Variants in ST3GAL3 observed in about 807,000 individuals in gnomAD.
ST3GAL3 encodes the protein ST3 beta-galactoside alpha-2,3-sialyltransferase 3.
ST3GAL3 carries 21 observed loss-of-function variants against 50.1 expected under a neutral mutation model. The ratio of observed to expected loss-of-function variants is 0.42; its 90% CI spans 0.30 to 0.60. ST3GAL3 has a LOEUF of 0.60. ST3GAL3 is among the 20% of genes least tolerant of loss of function. The probability of loss-of-function intolerance (pLI) is 0.19; values close to 1 mark genes in which losing one functional copy is unlikely to be tolerated. For synonymous variants in ST3GAL3, 183 were observed against 190.0 expected, an observed-to-expected ratio of 0.96 and a Z score of 0.30; for missense variants, 353 against 489.4, an observed-to-expected ratio of 0.72 and a Z score of 2.63.
At chr1:43,888,338 AAAC>A (rs111775183) in intron 5 of ST3GAL3, among the ~76,000 whole-genome samples, 7 of 152,128 alleles carry the variant, frequency 4.6e-5, no homozygotes, top group Admixed American at 4.6e-4. Context: ...ATTTGACTTA[AAAC>A]AACAACAACA....
chr1:43,761,740 G>T (rs1490604713), intron 2 of ST3GAL3, among the ~76,000 whole-genome samples: 1 of 149,464 alleles, frequency 6.7e-6, no homozygotes, highest in East Asian at 2.0e-4. Flanking sequence ...CACGAGGTCA[G>T]GAGATCGAGA....
At chr1:43,811,766 C>T (rs536667053) in intron 3 of ST3GAL3, among the ~76,000 whole-genome samples, 10 of 152,264 alleles carry the variant, frequency 6.6e-5, no homozygotes, top group East Asian at 1.9e-4. Context: ...ACCTTAAGGA[C>T]GTGTTAGGCA....
intron 5 of ST3GAL3, among the ~76,000 whole-genome samples, chr1:43,884,495 G>T (rs1334160719): frequency 3.3e-5 from 5 of 152,134 alleles, no homozygotes; most frequent in South Asian, 2.1e-4. Context: ...TTATGGTGGG[G>T]CTGCAGCAGC....
chr1:43,767,949 A>T (rs1693722980), intron 2 of ST3GAL3, among the ~76,000 whole-genome samples: 1 of 152,202 alleles, frequency 6.6e-6, no homozygotes, highest in Non-Finnish European at 1.5e-5. Flanking sequence ...GTTGAAAAAA[A>T]TTAGTAATCT....
intron 2 of ST3GAL3, chr1:43,739,206 G>A (rs1558082659): frequency 6.6e-6 from 1 of 152,136 alleles, no homozygotes; most frequent in Admixed American, 6.6e-5. Context: ...ATGGCAGGGG[G>A]AAGAGGCTAG....
At chr1:43,758,172 C>G (rs1054686741) in intron 2 of ST3GAL3, among the ~76,000 whole-genome samples, 3 of 136,670 alleles carry the variant, frequency 2.2e-5, no homozygotes, top group Non-Finnish European at 5.0e-5. Context: ...ACCCCCCCCC[C>G]CAAAAAAAAG....
At chr1:43,827,706 T>TC (rs971452499) in intron 4 of ST3GAL3, among the ~76,000 whole-genome samples, 1 of 151,960 alleles carries the variant, frequency 6.6e-6, no homozygotes, top group African/African-American at 2.4e-5. Context: ...AGAGTCAGGG[T>TC]CCGCTATGTT....
In ST3GAL3 at chr1:43,843,486, A is replaced by G. The variant is rs571711003; in HGVS notation, c.302+5175A>G. Among the ~76,000 whole-genome samples the G allele has an allele frequency of 1.8e-4, 27 of 152,246 alleles. No homozygotes were observed. The South Asian group carries it at 5.4e-3, about 30-fold the overall frequency. On this transcript the variant is annotated intron_variant, in intron 5 of 11. Coordinates refer to ENST00000347631, the MANE Select transcript of ST3GAL3 (RefSeq NM_006279.5). ...TATTGTTCTTTTTACACATTGCTCTATTCAATTGGCTAAAATTTTTCAAGG... is the reference window on the plus strand; with the variant it reads ...TATTGTTCTTTTTACACATTGCTCTGTTCAATTGGCTAAAATTTTTCAAGG...
chr1:43,888,800 G>T (rs1464790982), intron 5 of ST3GAL3, among the ~76,000 whole-genome samples: 1 of 152,252 alleles, frequency 6.6e-6, no homozygotes, highest in East Asian at 1.9e-4. Flanking sequence ...CTGTGGGGGA[G>T]TGGCACTTTC....
At chr1:43,810,473 G>A (rs2060432428) in intron 3 of ST3GAL3, among the ~76,000 whole-genome samples, 1 of 152,102 alleles carries the variant, frequency 6.6e-6, no homozygotes, top group African/African-American at 2.4e-5. Flanking sequence ...AGAGAAATGG[G>A]GTCCGTGGCT....
rs1412219047 is a variant in ST3GAL3, at chr1:43,917,505, TATATA to T, written c.745-2888_745-2884del. ...ATAATATATAATATATATAATATAT[TATATA>T]ATATAATATATATTATATTATATAA... On this transcript the variant is annotated intron_variant, in intron 9 of 11. Coordinates refer to ENST00000347631, the MANE Select transcript of ST3GAL3 (RefSeq NM_006279.5). Among the ~76,000 whole-genome samples, 30 of 68,810 alleles carry T rather than the reference TATATA, an allele frequency of 4.4e-4. No individual in the cohort carries two copies. In the East Asian group the frequency reaches 6.5e-3, roughly 15 times the overall value. The allele number at this position is 68,810 out of a possible 152,430, so 45.1% of individuals were successfully genotyped here.
chr1:43,715,888 A>T (rs1052399945), intron 1 of ST3GAL3, among the ~76,000 whole-genome samples: 1 of 152,054 alleles, frequency 6.6e-6, no homozygotes, highest in African/African-American at 2.4e-5. Context: ...CTGGACTCTC[A>T]TAAGAGAATG....
chr1:43,841,055 G>A (rs903597680), intron 5 of ST3GAL3: 3 of 152,272 alleles, frequency 2.0e-5, no homozygotes, highest in African/African-American at 7.2e-5. Context: ...CCCACATTCA[G>A]GGCACACTGG....
intron 3 of ST3GAL3, among the ~76,000 whole-genome samples, chr1:43,808,121 G>T (rs540053126): frequency 1.3e-5 from 2 of 152,202 alleles, no homozygotes; most frequent in African/African-American, 4.8e-5. Context: ...GGCCAACATA[G>T]TGAAACACGG....
At chr1:43,721,246 TAAAAAG>T (rs1379718714) in intron 1 of ST3GAL3, among the ~76,000 whole-genome samples, 1 of 145,854 alleles carries the variant, frequency 6.9e-6, no homozygotes, top group Non-Finnish European at 1.5e-5. Flanking sequence ...CCCTGTCTCT[TAAAAAG>T]AAAAAAAAAA....
intron 2 of ST3GAL3, among the ~76,000 whole-genome samples, chr1:43,774,925 A>G (rs1481628349): frequency 2.0e-5 from 3 of 152,176 alleles, no homozygotes; most frequent in African/African-American, 7.2e-5. Flanking sequence ...CTTCAGTTAC[A>G]TCCGCGGTAA....
Position 43,899,246 on chromosome 1 carries a change from C to T in ST3GAL3, c.540C>T (p.Asp180=). Residue 180 remains aspartate (D), a synonymous_variant, in exon 8 of 12, where the codon GAC becomes GAT. Coordinates refer to ENST00000347631, the MANE Select transcript of ST3GAL3 (RefSeq NM_006279.5). This position sits in a 1 kb window ranked among gnomAD's most constrained non-coding sequence, Gnocchi z 5.4. Reference sequence around the variant, plus strand: ...AGTCTCTGGGGTCACGAATTGACGACTATGACATTGTGGTGAGGTGAGCTC... The same window carrying T: ...AGTCTCTGGGGTCACGAATTGACGATTATGACATTGTGGTGAGGTGAGCTC... ...ANKSLGSRID[D]YDIVVRLNSA... is the part of the protein sequence containing the mutation. The T allele has an allele frequency of 1.2e-5, 20 of 1,614,256 alleles. No homozygotes were observed. The highest frequency in any genetic ancestry group is 1.6e-5 in the Non-Finnish European group (19 of 1,180,042).
In ST3GAL3 at chr1:43,766,954, A is replaced by T. The variant is rs59319967; in HGVS notation, c.119-25148A>T. ...AGTGATAGTAGCATGAATAAAGTGG[A>T]GGGGCCTGGAAAAGGGCTGGGAGAG... is the stretch of plus-strand genomic sequence containing the variant. On this transcript the variant is annotated intron_variant, in intron 2 of 11. Transcript: ENST00000347631. Among the ~76,000 whole-genome samples the T allele has an allele frequency of 7.6e-3, 1,152 of 152,248 alleles. 23 individuals are homozygous for T. Among genetic ancestry groups the T allele is most frequent in the African/African-American group, 0.026 (1,095 of 41,528 alleles).
intron 4 of ST3GAL3, among the ~76,000 whole-genome samples, chr1:43,832,277 A>G (rs1010706930): frequency 3.3e-5 from 5 of 152,348 alleles, no homozygotes; most frequent in East Asian, 1.9e-4. Flanking sequence ...GCCTGGTTTG[A>G]TGAAAAGGTA....
Sources: allele counts gnomAD v4.1 joint callset (sites outside exome capture counted in the v4.1 genomes callset), GRCh38; gene constraint gnomAD v4.1.1; non-coding constraint Gnocchi (gnomAD v3.1); transcripts MANE v1.5; gene names NCBI Gene and HGNC (gene_info 2026-07-23, HGNC 2026-07-21).